PCNT: variants seen among roughly 807,000 people sequenced by gnomAD.
PCNT encodes the protein kendrin.
In PCNT, 319 loss-of-function variants were observed where a neutral mutation model predicts 380.4. The observed-to-expected ratio is 0.84, with a 90% CI of 0.77 to 0.92. PCNT has a LOEUF of 0.92. Ranked by LOEUF, PCNT falls within the 40% of genes least tolerant of loss-of-function variation. The pLI, the probability that PCNT is intolerant of heterozygous loss-of-function variation, is 0.00. For missense variants in PCNT, 4,400 were observed against 4,255.3 expected, an observed-to-expected ratio of 1.03 and a Z score of -0.95; for synonymous variants, 1,845 against 1,735.2, an observed-to-expected ratio of 1.06 and a Z score of -1.57.
At chr21:46,359,460 T>C (rs1302745400) in intron 13 of PCNT, among the ~76,000 whole-genome samples, 1 of 137,192 alleles carries the variant, frequency 7.3e-6, no homozygotes, top group Non-Finnish European at 1.6e-5. Context: ...TCTTGTAGTA[T>C]TCTGTCCAAA....
intron 13 of PCNT, among the ~76,000 whole-genome samples, chr21:46,362,731 C>T (rs1383971318): frequency 6.6e-6 from 1 of 152,002 alleles, no homozygotes; most frequent in African/African-American, 2.4e-5. Context: ...ATTGCTTGAG[C>T]TCAGGAGTTC....
intron 42 of PCNT, among the ~76,000 whole-genome samples, chr21:46,440,537 C>T (rs956583114): frequency 2.0e-5 from 3 of 152,218 alleles, no homozygotes; most frequent in Non-Finnish European, 4.4e-5. Context: ...CACACGGTCC[C>T]CACCCCGTGA....
intron 16 of PCNT, among the ~76,000 whole-genome samples, chr21:46,385,345 G>T (rs866495813): frequency 6.6e-5 from 10 of 152,232 alleles, no homozygotes; most frequent in Non-Finnish European, 1.2e-4. Flanking sequence ...AACAGAGTGA[G>T]ACCCTGTCTC....
In PCNT at chr21:46,441,639, C is replaced by G. The variant is rs183868895; in HGVS notation, c.9623+555C>G. 6.4e-3 allele frequency among the ~76,000 whole-genome samples: 976 copies of G among 152,280 alleles called. 10 individuals are homozygous for G. The highest frequency in any genetic ancestry group is 0.022 in the African/African-American group (925 of 41,554). On this transcript the variant is annotated intron_variant, in intron 43 of 46. Transcript: ENST00000359568. The stretch of plus-strand genomic sequence containing the variant: ...CCTGGGGCACTTTGTCTCCTCGTCT[C>G]TGAGCTCCCCTGACCGTAGGCCTCC...
chr21:46,331,446 A>G (rs911838432), intron 2 of PCNT, among the ~76,000 whole-genome samples: 4 of 152,194 alleles, frequency 2.6e-5, no homozygotes, highest in African/African-American at 9.6e-5. Flanking sequence ...TTGCCTTACA[A>G]TTTGTTAAGT....
chr21:46,437,115 G>T (rs1217765369), intron 40 of PCNT, 34 bp downstream of exon 40: 18 of 1,486,860 alleles, frequency 1.2e-5, no homozygotes, highest in East Asian at 2.3e-5. Context: ...CCCTGGCCTG[G>T]CTCCTCCCCC....
In PCNT at chr21:46,428,454, G is replaced by A; in HGVS notation, c.7554G>A (p.Leu2518=). The change falls in exon 35 of 47, where the codon CTG becomes CTA. Residue 2518 remains leucine, a synonymous_variant. Transcript: ENST00000359568. ...HLRLPDRSSL[L]SEIQALRAQL... ...GCTTGCCGGACCGGAGCAGCCTGCTGTCCGAGATCCAGGCGCTGCGTGCCC... is the reference window on the plus strand; with the variant it reads ...GCTTGCCGGACCGGAGCAGCCTGCTATCCGAGATCCAGGCGCTGCGTGCCC... 1 of 1,612,520 alleles carries A rather than the reference G, an allele frequency of 6.2e-7. No homozygotes were observed.
chr21:46,328,173 G>A (rs180886907), intron 2 of PCNT, among the ~76,000 whole-genome samples: 50 of 152,068 alleles, frequency 3.3e-4, no homozygotes, highest in Admixed American at 8.5e-4. Context: ...GTTGGCAACA[G>A]TTAAAATTTG....
chr21:46,383,467 G>A (rs1289293301), intron 16 of PCNT, among the ~76,000 whole-genome samples: 10 of 141,416 alleles, frequency 7.1e-5, no homozygotes, highest in East Asian at 2.2e-4. Context: ...TGGCAGAAGC[G>A]CATTCACAGT....
At chr21:46,332,874 T>G (rs937418298) in intron 2 of PCNT, among the ~76,000 whole-genome samples, 4 of 152,198 alleles carry the variant, frequency 2.6e-5, no homozygotes, top group Non-Finnish European at 4.4e-5. Flanking sequence ...TTTGGGATGC[T>G]GAGGTGGGAG....
intron 21 of PCNT, among the ~76,000 whole-genome samples, chr21:46,393,911 A>G (rs2086120622): frequency 6.6e-6 from 1 of 152,164 alleles, no homozygotes; most frequent in African/African-American, 2.4e-5. Flanking sequence ...ATTGAAGCTG[A>G]GGCTTACCAT....
intron 11 of PCNT, among the ~76,000 whole-genome samples, chr21:46,354,785 G>T (rs1426482336): frequency 6.6e-6 from 1 of 152,218 alleles, no homozygotes; most frequent in Non-Finnish European, 1.5e-5. Flanking sequence ...GTCCAGGCAG[G>T]GTGGCAGCGG....
intron 44 of PCNT, among the ~76,000 whole-genome samples, chr21:46,443,466 T>G (rs561328282): frequency 5.5e-4 from 83 of 152,276 alleles, no homozygotes; most frequent in African/African-American, 1.9e-3. Context: ...ATCAGGAAAG[T>G]TTGCCCCTCT....
intron 25 of PCNT, 117 bp downstream of exon 25, chr21:46,399,913 C>T: frequency 1.2e-6 from 1 of 860,090 alleles, no homozygotes; most frequent in South Asian, 1.3e-5. Flanking sequence ...GCCACCACGT[C>T]TGCACCAGAA....
chr21:46,441,318 C>T (rs1371089150), intron 43 of PCNT, among the ~76,000 whole-genome samples: 1 of 152,244 alleles, frequency 6.6e-6, no homozygotes, highest in Non-Finnish European at 1.5e-5. Flanking sequence ...CTTTGTATTA[C>T]AGAGGAACAT....
rs769557050 is a variant in PCNT at position 46,436,469 on chromosome 21, G to GCCCCCCCCCCCCCCCCCCCCC, written c.8996+321_8996+322insCCCCCCCCCCCCCCCCCCCCC. 2.7e-4 allele frequency among the ~76,000 whole-genome samples: 11 copies of GCCCCCCCCCCCCCCCCCCCCC among 40,034 alleles called. 5 individuals are homozygous for GCCCCCCCCCCCCCCCCCCCCC. The highest frequency in any genetic ancestry group is 6.4e-4 in the Non-Finnish European group (11 of 17,222). 26.3% of individuals were successfully genotyped at this position (40,034 alleles called of 152,430 possible). On this transcript the variant is annotated intron_variant, in intron 39 of 46. Transcript: ENST00000359568. ...CAGGGTCGGGTTTGGAGCCTCCTGT[G>GCCCCCCCCCCCCCCCCCCCCC]GCCCCCCCCCCCCCCCCCCGCTGGC...
chr21:46,409,448 A>G (rs1262374566), intron 27 of PCNT, among the ~76,000 whole-genome samples: 1 of 152,140 alleles, frequency 6.6e-6, no homozygotes, highest in East Asian at 1.9e-4. Flanking sequence ...TTGGCCTCCC[A>G]AAGTGTTGGG....
chr21:46,332,750 C>G (rs528355859), intron 2 of PCNT, among the ~76,000 whole-genome samples: 1 of 152,196 alleles, frequency 6.6e-6, no homozygotes, highest in African/African-American at 2.4e-5. Flanking sequence ...CCCGAAAAGT[C>G]GACACTGTCA....
Position 46,388,103 on chromosome 21 carries a change from G to A in PCNT, c.3465-639G>A, listed in dbSNP as rs1452970495. ...CAGACGCCTGTAGTCCCAGCTACTC[G>A]GGAGGCTGAGGCAGGAGAAAGGCGT... On this transcript the variant is annotated intron_variant, in intron 17 of 46. Coordinates refer to ENST00000359568, the MANE Select transcript of PCNT (RefSeq NM_006031.6). This position sits in a 1 kb window ranked among gnomAD's most constrained non-coding sequence, Gnocchi z 4.2. Among the ~76,000 whole-genome samples the A allele has an allele frequency of 5.3e-5, 8 of 152,072 alleles. No homozygotes were observed. Among genetic ancestry groups the A allele is most frequent in the Non-Finnish European group, 8.8e-5 (6 of 67,982 alleles).
Sources: allele counts gnomAD v4.1 joint callset (sites outside exome capture counted in the v4.1 genomes callset), GRCh38; gene constraint gnomAD v4.1.1; non-coding constraint Gnocchi (gnomAD v3.1); transcripts MANE v1.5; gene names NCBI Gene and HGNC (gene_info 2026-07-23, HGNC 2026-07-21).